SMARCA4: variants seen among roughly 807,000 people sequenced by gnomAD.
SMARCA4 encodes SWI/SNF related BAF chromatin remodeling complex subunit ATPase 4.
Under a neutral mutation model 193.9 loss-of-function variants are expected in SMARCA4, and 31 were observed. That is an observed-to-expected ratio of 0.16 (90% CI 0.12 to 0.22). The LOEUF (loss-of-function observed/expected upper bound fraction) is 0.22. SMARCA4 is among the 10% of genes least tolerant of loss of function. The probability of loss-of-function intolerance (pLI) is 1.00; values close to 1 mark genes in which losing one functional copy is unlikely to be tolerated. For missense variants in SMARCA4, 1,148 were observed against 2,296.0 expected, an observed-to-expected ratio of 0.50 and a Z score of 10.22; for synonymous variants, 942 against 933.1, an observed-to-expected ratio of 1.01 and a Z score of -0.17.
In SMARCA4 at chr19:10,986,954, C is replaced by T. The variant is rs375413993; in HGVS notation, c.810C>T (p.Pro270=). Residue 270 remains proline, a synonymous_variant, in exon 5 of 35, where the codon CCC becomes CCT. Transcript: ENST00000344626. The surrounding 1 kb of genome is among the most constrained non-coding windows in gnomAD (Gnocchi z 6.7). The part of the protein sequence containing the change: ...MPPPGPSGVP[P]GMPGQPPGGP... ...CCCCAGGACCCTCGGGCGTGCCCCC[C>T]GGGATGCCAGGCCAGCCTCCTGGAG... The T allele has an allele frequency of 5.2e-5, 83 of 1,610,552 alleles. No homozygotes were observed. The highest frequency in any genetic ancestry group is 6.2e-5 in the Non-Finnish European group (73 of 1,179,900).
intron 1 of SMARCA4, among the ~76,000 whole-genome samples, chr19:10,970,729 T>C (rs4804553): frequency 0.24 from 36,588 of 152,122 alleles, 4,442 homozygotes; most frequent in South Asian, 0.26. Context: ...TTGTGGGAGA[T>C]AGAGTCTGAA....
intron 29 of SMARCA4, among the ~76,000 whole-genome samples, chr19:11,036,576 G>C: frequency 6.6e-6 from 1 of 152,150 alleles, no homozygotes; most frequent in East Asian, 1.9e-4. Context: ...GCATATTTGA[G>C]GCAGTGAGTA....
chr19:10,994,713 C>T (rs1054452097), intron 8 of SMARCA4, 115 bp from the exon 9 acceptor site: 6 of 874,416 alleles, frequency 6.9e-6, no homozygotes, highest in Non-Finnish European at 1.1e-5. Flanking sequence ...CCCTCCTCTG[C>T]CTCCCAAAGC....
chr19:10,985,509 GGAT>G lies in SMARCA4; in HGVS notation c.355+109_355+111del, dbSNP rs2085948421. On this transcript the variant is annotated intron_variant, in intron 3 of 34. Transcript: ENST00000344626. This position sits in a 1 kb window ranked among gnomAD's most constrained non-coding sequence, Gnocchi z 4.5. ...ACAGGATGGATTCAGGGAGTACCTAGGATGATGTAGCCGGGTGGGTGGCCCGCC... is the reference window on the plus strand; with the variant it reads ...ACAGGATGGATTCAGGGAGTACCTAGGATGTAGCCGGGTGGGTGGCCCGCC... The G allele has an allele frequency of 7.1e-7, 1 of 1,401,270 alleles. No homozygotes were observed. The highest frequency in any genetic ancestry group is 9.8e-7 in the Non-Finnish European group (1 of 1,020,152). 86.8% of individuals were successfully genotyped at this position (1,401,270 alleles called of 1,614,324 possible). A position where few individuals can be genotyped will look rare whatever the true frequency, so the allele number is the denominator to read the frequency against.
chr19:11,058,640 A>G lies in SMARCA4; in HGVS notation c.4534-148A>G. The G allele has an allele frequency of 1.4e-6, 1 of 731,002 alleles. No individual in the cohort carries two copies. The highest frequency in any genetic ancestry group is 2.4e-6 in the Non-Finnish European group (1 of 410,756). The allele number at this position is 731,002 out of a possible 1,614,324, so 45.3% of individuals were successfully genotyped here. A position where few individuals can be genotyped will look rare whatever the true frequency, so the allele number is the denominator to read the frequency against. The stretch of plus-strand genomic sequence containing the variant: ...CCTCAGTCATGCAGTTCCCATGCCT[A>G]GTGAGCCAGGTTACCGAGGCTGGCG... On this transcript the variant is annotated intron_variant, in intron 31 of 34. Transcript: ENST00000344626. The surrounding 1 kb of genome is among the most constrained non-coding windows in gnomAD (Gnocchi z 5.8).
At chr19:10,991,385 G>C in intron 8 of SMARCA4, 62 bp downstream of exon 8, 1 of 1,549,340 alleles carries the variant, frequency 6.5e-7, no homozygotes, top group Non-Finnish European at 8.7e-7. Context: ...CTTGTCCAGC[G>C]GTTGCCACGG....
At chr19:10,989,284 C>T (rs759043029) in intron 6 of SMARCA4, 33 bp from the exon 7 acceptor site, 1 of 1,613,370 alleles carries the variant, frequency 6.2e-7, no homozygotes, top group Admixed American at 1.7e-5. Flanking sequence ...TGGCAACCCT[C>T]TCACCGCCTT....
intron 13 of SMARCA4, among the ~76,000 whole-genome samples, chr19:11,005,377 G>A (rs1183928305): frequency 6.6e-6 from 1 of 152,128 alleles, no homozygotes; most frequent in Non-Finnish European, 1.5e-5. Flanking sequence ...TTCATTAGGG[G>A]CAGGCAGTGT....
chr19:11,028,222 A>G (rs946287407), intron 24 of SMARCA4, among the ~76,000 whole-genome samples: 3 of 152,218 alleles, frequency 2.0e-5, no homozygotes, highest in Non-Finnish European at 2.9e-5. Flanking sequence ...GTGCACTTTT[A>G]GCTGGAAGTG....
Position 11,031,130 on chromosome 19 carries a change from ATCCG to A in SMARCA4, c.3546+240_3546+243del. On this transcript the variant is annotated intron_variant, in intron 25 of 34. Transcript: ENST00000344626. The surrounding 1 kb of genome is among the most constrained non-coding windows in gnomAD (Gnocchi z 4.3). The stretch of plus-strand genomic sequence containing the variant: ...TGATTGGGAAAGCAGTGTATAAGCC[ATCCG>A]TCGGTTTGGTTTTTCTTAAATCTTG... 1.8e-6 allele frequency: 1 copy of A among 552,894 alleles called. No individual in the cohort carries two copies. The highest frequency in any genetic ancestry group is 2.0e-5 in the South Asian group (1 of 50,074). 34.2% of individuals were successfully genotyped at this position (552,894 alleles called of 1,614,324 possible).
rs2145851327 is a variant in SMARCA4 at position 10,989,463 on chromosome 19, C to T, written c.1245+20C>T. 2 of 1,613,580 alleles carry T rather than the reference C, an allele frequency of 1.2e-6. No homozygotes were observed. The highest frequency in any genetic ancestry group is 1.7e-6 in the Non-Finnish European group (2 of 1,179,786). ...AGGCAGGTGGGTGCTGGCATGGCCG[C>T]AGCTTTCCGAAAAGGGCCTTTGTCA... On this transcript the variant is annotated intron_variant, in intron 7 of 34. Coordinates refer to ENST00000344626, the MANE Select transcript of SMARCA4 (RefSeq NM_003072.5).
At chr19:10,963,128 T>C (rs2083935653) in intron 1 of SMARCA4, among the ~76,000 whole-genome samples, 1 of 151,964 alleles carries the variant, frequency 6.6e-6, no homozygotes, top group African/African-American at 2.4e-5. Flanking sequence ...ATCCCAGCAC[T>C]TGGGGAGGCT....
intron 11 of SMARCA4, among the ~76,000 whole-genome samples, chr19:10,999,240 C>T (rs535082267): frequency 6.6e-6 from 1 of 152,208 alleles, no homozygotes; most frequent in East Asian, 1.9e-4. Flanking sequence ...TATTTACATG[C>T]CAAGATCTGA....
intron 30 of SMARCA4, among the ~76,000 whole-genome samples, chr19:11,048,638 C>G (rs2076085186): frequency 6.6e-6 from 1 of 152,246 alleles, no homozygotes; most frequent in South Asian, 2.1e-4. Flanking sequence ...GTGGCGACAC[C>G]TGAGGACAGA....
chr19:11,053,292 T>C (rs73500694), intron 30 of SMARCA4, among the ~76,000 whole-genome samples: 2,050 of 152,180 alleles, frequency 0.013, 56 homozygotes, highest in African/African-American at 0.047. Context: ...CAGACCAGCC[T>C]GGCCAACGTG....
rs2075634687 is a variant in SMARCA4 at position 11,041,824 on chromosome 19, G to A, written c.4424+264G>A. Among the ~76,000 whole-genome samples, 2 of 152,290 alleles carry A rather than the reference G, an allele frequency of 1.3e-5. No individual in the cohort carries two copies. Among genetic ancestry groups the A allele is most frequent in the South Asian group, 4.1e-4 (2 of 4,822 alleles). On this transcript the variant is annotated intron_variant, in intron 30 of 34. Coordinates refer to ENST00000344626, the MANE Select transcript of SMARCA4 (RefSeq NM_003072.5). The surrounding 1 kb of genome is among the most constrained non-coding windows in gnomAD (Gnocchi z 5.6). ...GCAGGGGTGCGGGTCTCGGAGAAGG[G>A]GACATTGCAGCAGAGCCTTGAGAGA...
At chr19:10,988,595 T>C (rs2086273920) in intron 6 of SMARCA4, among the ~76,000 whole-genome samples, 1 of 152,212 alleles carries the variant, frequency 6.6e-6, no homozygotes, top group African/African-American at 2.4e-5. Flanking sequence ...CCCCAGGACC[T>C]TTGCACAGGC....
intron 11 of SMARCA4, among the ~76,000 whole-genome samples, chr19:10,997,909 A>C (rs992938293): frequency 7.9e-5 from 12 of 152,222 alleles, no homozygotes; most frequent in African/African-American, 2.9e-4. Context: ...GGAGGTGAAC[A>C]TTGGTACAGC....
intron 32 of SMARCA4, chr19:11,059,142 A>G: frequency 2.1e-6 from 1 of 468,656 alleles, no homozygotes; most frequent in Non-Finnish European, 3.9e-6. Flanking sequence ...AAAATTTCCA[A>G]CTTGGGATAT....
Sources: gnomAD v4.1 joint callset for allele counts (sites outside exome capture counted in the v4.1 genomes callset) on GRCh38, gnomAD v4.1.1 for gene constraint, Gnocchi (gnomAD v3.1) non-coding constraint, MANE v1.5 for transcripts, NCBI Gene and HGNC (gene_info 2026-07-23, HGNC 2026-07-21) for gene names.